SLC44A5: variants seen among roughly 807,000 people sequenced by gnomAD.
The protein encoded by SLC44A5 is solute carrier family 44 member 5, also known as choline transporter-like protein 5.
SLC44A5 carries 57 observed loss-of-function variants against 101.8 expected under a neutral mutation model. That is an observed-to-expected ratio of 0.56 (90% CI 0.45 to 0.70). SLC44A5 has a LOEUF of 0.70. SLC44A5 is among the 30% of genes least tolerant of loss of function. SLC44A5 has a pLI of 0.00. For missense variants in SLC44A5, 737 were observed against 853.1 expected (o/e 0.86, Z 1.70); for synonymous variants, 281 against 290.9 (o/e 0.97, Z 0.35).
At chr1:75,393,012 G>T (rs1227913054) in intron 3 of SLC44A5, among the ~76,000 whole-genome samples, 1 of 152,098 alleles carries the variant, frequency 6.6e-6, no homozygotes, top group Admixed American at 6.6e-5. Flanking sequence ...ATGGGAGTGA[G>T]GATGGGGACA....
chr1:75,538,279 T>A (rs1228892711), intron 2 of SLC44A5, among the ~76,000 whole-genome samples: 1 of 152,188 alleles, frequency 6.6e-6, no homozygotes, highest in Non-Finnish European at 1.5e-5. Context: ...TATGATATAA[T>A]TTTTAACCTT....
chr1:75,388,385 T>C (rs1482465045), intron 3 of SLC44A5, among the ~76,000 whole-genome samples: 4 of 151,950 alleles, frequency 2.6e-5, no homozygotes, highest in Non-Finnish European at 5.9e-5. Flanking sequence ...CCACAGAACC[T>C]ATAAAAAATA....
chr1:75,601,305 C>T (rs1674965108), intron 1 of SLC44A5, among the ~76,000 whole-genome samples: 1 of 129,042 alleles, frequency 7.7e-6, no homozygotes, highest in Non-Finnish European at 1.5e-5. Context: ...TGTTCTCACT[C>T]ATAAGTGGGA....
chr1:75,370,530 C>T (rs1660155054), intron 3 of SLC44A5, among the ~76,000 whole-genome samples: 1 of 152,138 alleles, frequency 6.6e-6, no homozygotes, highest in South Asian at 2.1e-4. Context: ...GTATTTTGGA[C>T]CGCTCAGTGA....
At chr1:75,371,915 A>G (rs999746208) in intron 3 of SLC44A5, among the ~76,000 whole-genome samples, 7 of 152,182 alleles carry the variant, frequency 4.6e-5, no homozygotes, top group Admixed American at 3.3e-4. Context: ...GCTCCAAGGT[A>G]GCTGGGCGCA....
intron 1 of SLC44A5, among the ~76,000 whole-genome samples, chr1:75,559,181 A>T (rs1216340091): frequency 2.6e-5 from 4 of 151,782 alleles, no homozygotes; most frequent in African/African-American, 7.3e-5. Context: ...AAAGTACTTT[A>T]TATATATATA....
chr1:75,266,366 G>A (rs972237059), intron 6 of SLC44A5, among the ~76,000 whole-genome samples: 23 of 137,736 alleles, frequency 1.7e-4, no homozygotes, highest in African/African-American at 6.2e-4. Flanking sequence ...TATTTGTGGT[G>A]TTTAAAACAT....
chr1:75,645,434 A>G, the SLC44A5 span, among the ~76,000 whole-genome samples: 24 of 152,086 alleles, frequency 1.6e-4, no homozygotes, highest in Admixed American at 1.5e-3. Context: ...TCTTTTGAGA[A>G]GTGTCTGTTC....
rs140285732 is a variant in SLC44A5, at chr1:75,562,697, T to C, written c.-69-21181A>G. Reference sequence around the variant, plus strand: ...GTGAGACGACTCTGTCACAAAAAAATATATATAATTTTCGTCTCTTAAGTC... The same window carrying C: ...GTGAGACGACTCTGTCACAAAAAAACATATATAATTTTCGTCTCTTAAGTC... On this transcript the variant is annotated intron_variant, in intron 1 of 23. Coordinates refer to ENST00000370859, the MANE Select transcript of SLC44A5 (RefSeq NM_001130058.2). Among the ~76,000 whole-genome samples the C allele has an allele frequency of 6.1e-4, 93 of 151,354 alleles. 1 individual carries two copies. Among genetic ancestry groups the C allele is most frequent in the African/African-American group, 2.1e-3 (86 of 40,804 alleles).
rs1347023430 is a variant in SLC44A5 at position 75,275,012 on chromosome 1, G to A, written c.206C>T (p.Ala69Val). 1.2e-6 allele frequency: 2 copies of A among 1,612,796 alleles called. No individual in the cohort carries two copies. The highest frequency in any genetic ancestry group is 1.7e-6 in the Non-Finnish European group (2 of 1,179,454). The change falls in exon 6 of 24, where the codon GCC (alanine) becomes GTC (valine). Residue 69 changes from alanine (A) to valine (V), a missense_variant. This residue lies in a region of SLC44A5 where 665 missense variants were observed against 764.4 expected (regional missense o/e 0.87). Coordinates refer to ENST00000370859, the MANE Select transcript of SLC44A5 (RefSeq NM_001130058.2). ...AWVHGDPRRAAYPTDSQGHFC... is the reference protein window; with the variant it reads ...AWVHGDPRRAVYPTDSQGHFC... ...GTGGCCCTGGCTGTCTGTAGGATAGGCTGCTCTTCTGGGGTCCCCATGTAC... is the reference window on the plus strand; with the variant it reads ...GTGGCCCTGGCTGTCTGTAGGATAGACTGCTCTTCTGGGGTCCCCATGTAC...
At chr1:75,212,116 T>G (rs997794819) in intron 22 of SLC44A5, among the ~76,000 whole-genome samples, 1 of 152,290 alleles carries the variant, frequency 6.6e-6, no homozygotes, top group East Asian at 1.9e-4. Context: ...AATGATATTT[T>G]GTGTCTCTTC....
intron 2 of SLC44A5, among the ~76,000 whole-genome samples, chr1:75,404,616 G>C (rs1662727278): frequency 6.6e-6 from 1 of 152,112 alleles, no homozygotes. Context: ...AAGAAAAGGA[G>C]AAATAAAACC....
chr1:75,413,398 T>C (rs2101522040), intron 2 of SLC44A5, among the ~76,000 whole-genome samples: 1 of 152,320 alleles, frequency 6.6e-6, no homozygotes, highest in South Asian at 2.1e-4. Flanking sequence ...TTTACATCTA[T>C]AATTCTTGAG....
chr1:75,498,241 TC>T (rs1668776145), intron 2 of SLC44A5, among the ~76,000 whole-genome samples: 1 of 152,166 alleles, frequency 6.6e-6, no homozygotes, highest in Non-Finnish European at 1.5e-5. Flanking sequence ...GGTCTATGTT[TC>T]CCAGTAGGTC....
chr1:75,229,885 C>T (rs1358782130), intron 12 of SLC44A5, among the ~76,000 whole-genome samples: 4 of 152,144 alleles, frequency 2.6e-5, no homozygotes, highest in African/African-American at 9.7e-5. Flanking sequence ...ATAATGAGGG[C>T]TTCCTATATC....
intron 2 of SLC44A5, among the ~76,000 whole-genome samples, chr1:75,486,772 T>C (rs1483536694): frequency 2.0e-5 from 3 of 152,206 alleles, no homozygotes; most frequent in Non-Finnish European, 4.4e-5. Context: ...CACACACCGA[T>C]GCAAGAGGTG....
intron 2 of SLC44A5, among the ~76,000 whole-genome samples, chr1:75,505,955 G>T (rs12143635): frequency 6.6e-6 from 1 of 152,052 alleles, no homozygotes; most frequent in South Asian, 2.1e-4. Flanking sequence ...GCATTTCCTA[G>T]AATTTTTTCT....
intron 2 of SLC44A5, among the ~76,000 whole-genome samples, chr1:75,416,549 G>A (rs1176749489): frequency 1.3e-5 from 2 of 152,204 alleles, no homozygotes; most frequent in African/African-American, 4.8e-5. Context: ...GCGGAGCTGT[G>A]AGAAGTGGGC....
the SLC44A5 span, among the ~76,000 whole-genome samples, chr1:75,668,080 A>G: frequency 2.6e-5 from 4 of 152,294 alleles, no homozygotes; most frequent in East Asian, 7.7e-4. Flanking sequence ...TAAATCCTCT[A>G]AGAGTGTCTA....
Sources: gnomAD v4.1 joint callset for allele counts (sites outside exome capture counted in the v4.1 genomes callset) on GRCh38, gnomAD v4.1.1 for gene constraint, gnomAD v4.1.1 regional missense constraint, MANE v1.5 for transcripts, NCBI Gene and HGNC (gene_info 2026-07-23, HGNC 2026-07-21) for gene names.